Variants in GNAS observed in about 807,000 individuals in gnomAD.
GNAS encodes GNAS complex locus, also known as protein ALEX.
Under a neutral mutation model 54.5 loss-of-function variants are expected in GNAS, and 8 were observed. The observed-to-expected ratio is 0.15, with a 90% CI of 0.09 to 0.26. The LOEUF (loss-of-function observed/expected upper bound fraction) is 0.26, where lower values mean the gene tolerates loss of function less well. Among genes scored for constraint, GNAS ranks in the 10% least tolerant of loss-of-function variants. The probability of loss-of-function intolerance (pLI) is 1.00; values close to 1 mark genes in which losing one functional copy is unlikely to be tolerated. For synonymous variants in GNAS, 204 were observed against 191.4 expected, an observed-to-expected ratio of 1.07 and a Z score of -0.54; for missense variants, 170 against 529.8, an observed-to-expected ratio of 0.32 and a Z score of 6.67.
In GNAS at chr20:58,854,429, G is replaced by A. The variant is rs746212874; in HGVS notation, c.43+13543G>A. On this transcript the variant is annotated intron_variant, in intron 1 of 12. Coordinates refer to the GNAS transcript ENST00000306090. ...CCCCTGCCGCCGGGGCAGCCTCAGC[G>A]GATACCGCTGCCAGGGCAGCCCCTG... is the stretch of plus-strand genomic sequence containing the variant. The A allele has an allele frequency of 8.9e-6, 14 of 1,572,176 alleles. No individual in the cohort carries two copies. The African/African-American group carries it at 1.6e-4, about 18-fold the overall frequency.
At chr20:58,875,057 G>A (rs764572774) in intron 1 of GNAS, among the ~76,000 whole-genome samples, 1 of 152,062 alleles carries the variant, frequency 6.6e-6, no homozygotes, top group Admixed American at 6.5e-5. Flanking sequence ...AATACAGATT[G>A]CTAGCTATTT....
Position 58,910,237 on chromosome 20 carries a change from A to G in GNAS, c.971-97A>G. ...CTCCCACTAATTCTCATATGGAAAA[A>G]TCAGGGTTTTGAAGACTTCAGGAGC... is the stretch of plus-strand genomic sequence containing the variant. On this transcript the variant is annotated intron_variant, in intron 11 of 12. Coordinates refer to ENST00000371085, the MANE Select transcript of GNAS (RefSeq NM_000516.7). The surrounding 1 kb of genome is among the most constrained non-coding windows in gnomAD (Gnocchi z 5.8). The G allele has an allele frequency of 7.8e-7, 1 of 1,275,338 alleles. No individual in the cohort carries two copies. The highest frequency in any genetic ancestry group is 1.1e-6 in the Non-Finnish European group (1 of 870,934). 79.0% of individuals were successfully genotyped at this position (1,275,338 alleles called of 1,614,324 possible).
chr20:58,892,133 TGCTCTC>T lies in GNAS; in HGVS notation c.139+281_139+286del, dbSNP rs967112271. The T allele has an allele frequency of 1.6e-3, 1,495 of 957,396 alleles. 1 individual carries two copies. The highest frequency in any genetic ancestry group is 4.7e-3 in the South Asian group (97 of 20,814). The allele number at this position is 957,396 out of a possible 1,614,324, so 59.3% of individuals were successfully genotyped here. A position where few individuals can be genotyped will look rare whatever the true frequency, so the allele number is the denominator to read the frequency against. ...GCCTGCCCGCTCAGTGTCTCTCTCT[TGCTCTC>T]GCTCTCGCTCTCCCCCTCTTTCTCT... On this transcript the variant is annotated intron_variant, in intron 1 of 12. Coordinates refer to ENST00000371085, the MANE Select transcript of GNAS (RefSeq NM_000516.7).
chr20:58,875,057 G>C (rs764572774), intron 1 of GNAS, among the ~76,000 whole-genome samples: 9 of 152,062 alleles, frequency 5.9e-5, no homozygotes, highest in Non-Finnish European at 1.0e-4. Context: ...AATACAGATT[G>C]CTAGCTATTT....
intron 2 of GNAS, 82 bp from the exon 3 acceptor site, chr20:58,898,859 G>C: frequency 1.7e-6 from 2 of 1,184,740 alleles, no homozygotes; most frequent in Non-Finnish European, 2.5e-6. Context: ...TGATGGTTGA[G>C]GAATGTAGAG....
intron 1 of GNAS, 105 bp downstream of exon 1, chr20:58,891,970 A>G: frequency 1.3e-6 from 1 of 748,722 alleles, no homozygotes; most frequent in Non-Finnish European, 1.6e-6. Flanking sequence ...CGCGCTCCCG[A>G]GCCCCCCGCC....
chr20:58,840,150 A>G (rs1389217949), upstream of GNAS: 2 of 1,611,694 alleles, frequency 1.2e-6, no homozygotes, highest in Admixed American at 1.7e-5. The surrounding 1 kb of genome is among the most constrained non-coding windows in gnomAD (Gnocchi z 6.0). Context: ...CGAGCTCGCC[A>G]TAATTACAAC....
In GNAS at chr20:58,876,224, T is replaced by G. The variant is rs1327627778; in HGVS notation, c.44-19388T>G. ...AGGGGCCTTTCTGAGATGCGTGATC[T>G]TTAGGAAAAGGAAATTAAACTAATT... is the stretch of plus-strand genomic sequence containing the variant. On this transcript the variant is annotated intron_variant, in intron 1 of 12. Coordinates refer to the GNAS transcript ENST00000306090. 2.0e-5 allele frequency among the ~76,000 whole-genome samples: 3 copies of G among 152,210 alleles called. 1 individual carries two copies. The highest frequency in any genetic ancestry group is 4.4e-5 in the Non-Finnish European group (3 of 68,042).
chr20:58,903,857 C>G, intron 5 of GNAS, 66 bp downstream of exon 5: 3 of 1,555,552 alleles, frequency 1.9e-6, no homozygotes, highest in Non-Finnish European at 2.7e-6. Flanking sequence ...CATATAGGAA[C>G]ATGAGTGACA....
chr20:58,892,831 C>T (rs917724192), intron 1 of GNAS, among the ~76,000 whole-genome samples: 1 of 151,812 alleles, frequency 6.6e-6, no homozygotes, highest in Non-Finnish European at 1.5e-5. Context: ...GACTTGCAGG[C>T]TTTTTCAAAA....
Position 58,910,927 on chromosome 20 carries a change from T to A in GNAS, c.*98T>A, listed in dbSNP as rs754537048. On this transcript the variant is annotated 3_prime_UTR_variant, in exon 13 of 13. Transcript: ENST00000371085. This position sits in a 1 kb window ranked among gnomAD's most constrained non-coding sequence, Gnocchi z 5.8. The stretch of plus-strand genomic sequence containing the variant: ...TTAATCACCCACCATAGGGCATGAT[T>A]AACAAAGCAACCTTTCCCTTCCCCC... 4.0e-5 allele frequency: 49 copies of A among 1,211,176 alleles called. No individual in the cohort carries two copies. The highest frequency in any genetic ancestry group is 3.6e-6 in the Non-Finnish European group (3 of 827,672). The allele number at this position is 1,211,176 out of a possible 1,614,324, so 75.0% of individuals were successfully genotyped here. A position where few individuals can be genotyped will look rare whatever the true frequency, so the allele number is the denominator to read the frequency against.
At chr20:58,846,147 T>C (rs2085931729) in intron 1 of GNAS, among the ~76,000 whole-genome samples, 1 of 151,928 alleles carries the variant, frequency 6.6e-6, no homozygotes, top group African/African-American at 2.4e-5. Flanking sequence ...AGAGAACCCC[T>C]GGGAAGGAGC....
chr20:58,855,433 GA>G, intron 1 of GNAS: 3 of 1,068,994 alleles, frequency 2.8e-6, no homozygotes, highest in Non-Finnish European at 4.2e-6. Flanking sequence ...GCAGTGGGAG[GA>G]GGGGGTCCAG....
chr20:58,889,163 C>A, upstream of GNAS: 1 of 1,215,804 alleles, frequency 8.2e-7, no homozygotes, highest in Non-Finnish European at 1.1e-6. Context: ...AAGCTCTGCT[C>A]CCCGGCGGGG....
chr20:58,871,977 T>C (rs2087499728), intron 1 of GNAS, among the ~76,000 whole-genome samples: 1 of 151,726 alleles, frequency 6.6e-6, no homozygotes, highest in Non-Finnish European at 1.5e-5. Flanking sequence ...CGGACAGGAG[T>C]ACGGGGAGGA....
rs779789144 is a variant in GNAS, at chr20:58,909,626, GTGT to G, written c.718+52_719-51del. The G allele has an allele frequency of 1.9e-6, 3 of 1,614,164 alleles. No individual in the cohort carries two copies. Among genetic ancestry groups the G allele is most frequent in the South Asian group, 2.2e-5 (2 of 91,084 alleles). On this transcript the variant is annotated intron_variant, in intron 9 of 12. Transcript: ENST00000371085. This position sits in a 1 kb window ranked among gnomAD's most constrained non-coding sequence, Gnocchi z 7.3. The stretch of plus-strand genomic sequence containing the variant: ...TGTTCGTAAAGAACGCTTTGCTTCT[GTGT>G]TGTTAGGGATCAGGGTCGCTGCTCA...
At chr20:58,847,705 C>CA (rs1331010191) in intron 1 of GNAS, among the ~76,000 whole-genome samples, 4 of 152,106 alleles carry the variant, frequency 2.6e-5, no homozygotes, top group African/African-American at 4.8e-5. Context: ...AAATGACTAC[C>CA]AAAAAAATAC....
upstream of GNAS, chr20:58,889,293 G>T: frequency 2.0e-6 from 2 of 990,634 alleles, no homozygotes; most frequent in Non-Finnish European, 2.4e-6. Flanking sequence ...CTGTCCCGGC[G>T]CGGGGCGGCG....
At chr20:58,876,205 C>T (rs188039183) in intron 1 of GNAS, among the ~76,000 whole-genome samples, 1 of 152,214 alleles carries the variant, frequency 6.6e-6, no homozygotes, top group East Asian at 1.9e-4. Flanking sequence ...TAAAAGGGGC[C>T]TTTCTGAGAT....
Sources: gnomAD v4.1 joint callset for allele counts (sites outside exome capture counted in the v4.1 genomes callset) on GRCh38, gnomAD v4.1.1 for gene constraint, Gnocchi (gnomAD v3.1) non-coding constraint, MANE v1.5 for transcripts, NCBI Gene and HGNC (gene_info 2026-07-23, HGNC 2026-07-21) for gene names.